The following FOXP1 variants were observed in gnomAD, a reference collection of about 807,000 sequenced individuals.
FOXP1 encodes the protein forkhead box P1.
A neutral mutation model predicts 98.2 loss-of-function variants in FOXP1; 15 were observed. That is an observed-to-expected ratio of 0.15 (90% CI 0.10 to 0.24). The LOEUF is 0.24. Ranked by LOEUF, FOXP1 falls within the 10% of genes least tolerant of loss-of-function variation. The probability of loss-of-function intolerance (pLI) is 1.00; values close to 1 mark genes in which losing one functional copy is unlikely to be tolerated. For synonymous variants in FOXP1, 371 were observed against 314.5 expected (o/e 1.18, Z -1.90); for missense variants, 633 against 848.5 (o/e 0.75, Z 3.15).
chr3:70,980,869 T>TGACTA (rs1158107412), intron 14 of FOXP1, among the ~76,000 whole-genome samples: 1 of 152,238 alleles, frequency 6.6e-6, no homozygotes, highest in African/African-American at 2.4e-5. Context: ...TTCTGAGGAC[T>TGACTA]GACTATACTT....
intron 3 of FOXP1, among the ~76,000 whole-genome samples, chr3:71,369,142 C>G (rs930406233): frequency 6.6e-6 from 1 of 151,990 alleles, no homozygotes; most frequent in East Asian, 1.9e-4. Context: ...GTAATCCCAG[C>G]ATTTTGGGAG....
chr3:71,076,314 A>G (rs1268253725), intron 7 of FOXP1, among the ~76,000 whole-genome samples: 2 of 152,160 alleles, frequency 1.3e-5, no homozygotes, highest in African/African-American at 4.8e-5. Context: ...ATGGAAATCT[A>G]TTTTCTTTTC....
At chr3:71,067,983 T>A (rs2052749280) in intron 7 of FOXP1, among the ~76,000 whole-genome samples, 2 of 105,264 alleles carry the variant, frequency 1.9e-5, no homozygotes, top group Non-Finnish European at 3.5e-5. Context: ...AGATACTGGA[T>A]AATTATAAAA....
At chr3:70,993,678 G>A (rs2040942338) in intron 13 of FOXP1, among the ~76,000 whole-genome samples, 1 of 152,140 alleles carries the variant, frequency 6.6e-6, no homozygotes, top group East Asian at 1.9e-4. Flanking sequence ...GACATATATT[G>A]ATTTCCAAAT....
At chr3:71,568,286 G>T (rs749205581) in intron 2 of FOXP1, among the ~76,000 whole-genome samples, 1 of 152,150 alleles carries the variant, frequency 6.6e-6, no homozygotes, top group Non-Finnish European at 1.5e-5. Flanking sequence ...TTCAGCAATA[G>T]AGTACACTTA....
chr3:70,994,002 GAAAAA>G (rs2040996838), intron 13 of FOXP1, among the ~76,000 whole-genome samples: 1 of 21,442 alleles, frequency 4.7e-5, no homozygotes, highest in African/African-American at 5.4e-5. Context: ...CTCAAAAGAA[GAAAAA>G]GAAAAAGAAA....
At chr3:70,984,131 T>C (rs1295166959) in intron 14 of FOXP1, among the ~76,000 whole-genome samples, 2 of 152,254 alleles carry the variant, frequency 1.3e-5, no homozygotes, top group Middle Eastern at 3.2e-3. Flanking sequence ...TTCGGCTCTA[T>C]GTACCTGAGA....
At chr3:71,147,952 G>A (rs983834513) in intron 6 of FOXP1, among the ~76,000 whole-genome samples, 54 of 152,060 alleles carry the variant, frequency 3.6e-4, no homozygotes, top group East Asian at 1.9e-4. Flanking sequence ...ACAAAAGATC[G>A]CCAAAACACT....
At chr3:71,174,827 C>CA (rs1553767955) in intron 6 of FOXP1, among the ~76,000 whole-genome samples, 19 of 142,414 alleles carry the variant, frequency 1.3e-4, no homozygotes, top group South Asian at 2.2e-4. Flanking sequence ...CACACACACA[C>CA]CCCAATATAC....
intron 2 of FOXP1, among the ~76,000 whole-genome samples, chr3:71,557,337 C>T (rs1433338968): frequency 6.8e-6 from 1 of 147,428 alleles, no homozygotes; most frequent in East Asian, 2.0e-4. Flanking sequence ...CTCAAATGGT[C>T]AATTTATATC....
At chr3:71,316,935 C>T (rs1312043847) in intron 4 of FOXP1, among the ~76,000 whole-genome samples, 4 of 152,140 alleles carry the variant, frequency 2.6e-5, no homozygotes, top group African/African-American at 9.7e-5. Flanking sequence ...GGATTTCAAG[C>T]ATGAGCCACT....
intron 4 of FOXP1, among the ~76,000 whole-genome samples, chr3:71,328,988 A>AC (rs2076107304): frequency 4.7e-5 from 2 of 42,782 alleles, no homozygotes; most frequent in Non-Finnish European, 1.6e-4. Flanking sequence ...AAAAAAAAAA[A>AC]ACAAAAAAAA....
At chr3:71,135,283 TA>T (rs2059768564) in intron 6 of FOXP1, among the ~76,000 whole-genome samples, 1 of 140,916 alleles carries the variant, frequency 7.1e-6, no homozygotes, top group Non-Finnish European at 1.5e-5. Context: ...AAAAAAGTTA[TA>T]ATCCCCTATT....
At chr3:71,242,333 G>A (rs73839464) in intron 5 of FOXP1, among the ~76,000 whole-genome samples, 1,606 of 152,248 alleles carry the variant, frequency 0.011, 21 homozygotes, top group African/African-American at 0.036. Flanking sequence ...ACGCTCCTAA[G>A]CTGATGCCCT....
chr3:71,016,655 GAACA>G (rs1399870889), intron 11 of FOXP1, among the ~76,000 whole-genome samples: 1 of 86,120 alleles, frequency 1.2e-5, no homozygotes, highest in African/African-American at 3.8e-5. Flanking sequence ...ATGATTACAA[GAACA>G]CACACACACA....
At chr3:71,065,299 TTGAGAC>T (rs1280566405) in intron 7 of FOXP1, among the ~76,000 whole-genome samples, 1 of 152,104 alleles carries the variant, frequency 6.6e-6, no homozygotes. Flanking sequence ...TGTTTCGTCT[TTGAGAC>T]TGACAAAGAG....
chr3:71,312,017 C>T (rs865844115), intron 4 of FOXP1, among the ~76,000 whole-genome samples: 49 of 152,342 alleles, frequency 3.2e-4, no homozygotes, highest in African/African-American at 1.1e-3. Context: ...AATTTAAAAC[C>T]AGGCGGGGCC....
At chr3:71,046,793 G>T in intron 10 of FOXP1, 149 bp downstream of exon 10, 1 of 968,672 alleles carries the variant, frequency 1.0e-6, no homozygotes, top group Non-Finnish European at 1.7e-6. Context: ...CTTCTACATG[G>T]GTCCATCATT....
intron 5 of FOXP1, among the ~76,000 whole-genome samples, chr3:71,291,714 T>C (rs1209470690): frequency 4.6e-5 from 4 of 87,396 alleles, no homozygotes; most frequent in African/African-American, 1.5e-4. Context: ...TATTCTGTAT[T>C]TTTTTTTTTT....
Sources: allele counts gnomAD v4.1 joint callset (sites outside exome capture counted in the v4.1 genomes callset), GRCh38; gene constraint gnomAD v4.1.1; transcripts MANE v1.5; gene names NCBI Gene and HGNC (gene_info 2026-07-23, HGNC 2026-07-21).